Variants in GTF2E2 observed in about 807,000 individuals in gnomAD.
The protein encoded by GTF2E2 is general transcription factor IIE subunit 2.
GTF2E2 carries 21 observed loss-of-function variants against 40.5 expected under a neutral mutation model. The observed-to-expected ratio is 0.52, with a 90% CI of 0.37 to 0.75. The LOEUF (loss-of-function observed/expected upper bound fraction) is 0.75. Ranked by LOEUF, GTF2E2 falls within the 30% of genes least tolerant of loss-of-function variation. The probability of loss-of-function intolerance (pLI) is 0.00; values close to 1 mark genes in which losing one functional copy is unlikely to be tolerated. For synonymous variants in GTF2E2, 117 were observed against 121.6 expected, an observed-to-expected ratio of 0.96 and a Z score of 0.25; for missense variants, 298 against 338.4, an observed-to-expected ratio of 0.88 and a Z score of 0.94.
intron 6 of GTF2E2, chr8:30,585,187 A>G (rs1828639386): frequency 6.6e-6 from 1 of 152,458 alleles, no homozygotes; most frequent in African/African-American, 2.4e-5. Context: ...ACTCCGTCTC[A>G]ATAATAATAA....
At chr8:30,624,608 G>T (rs1026821327) in intron 3 of GTF2E2, among the ~76,000 whole-genome samples, 4 of 151,994 alleles carry the variant, frequency 2.6e-5, no homozygotes, top group African/African-American at 7.3e-5. Flanking sequence ...TGGGCAGTAT[G>T]GCCATTTTCA....
chr8:30,638,526 T>C (rs1454942972), intron 2 of GTF2E2: 3 of 152,640 alleles, frequency 2.0e-5, no homozygotes, highest in African/African-American at 7.2e-5. Context: ...TAGAGGAAAC[T>C]GTCAGCTCCA....
chr8:30,646,520 C>T (rs1802081611), intron 2 of GTF2E2, among the ~76,000 whole-genome samples: 1 of 152,148 alleles, frequency 6.6e-6, no homozygotes, highest in African/African-American at 2.4e-5. Flanking sequence ...CACCACACTA[C>T]CCCTAAGTCA....
chr8:30,627,098 G>A (rs1053158104), intron 3 of GTF2E2, among the ~76,000 whole-genome samples: 2 of 152,144 alleles, frequency 1.3e-5, no homozygotes, highest in Non-Finnish European at 2.9e-5. Flanking sequence ...TAAGTAAAAT[G>A]CACAGCATGA....
intron 4 of GTF2E2, 49 bp from the exon 5 acceptor site, chr8:30,612,530 T>A: frequency 1.9e-6 from 2 of 1,076,220 alleles, no homozygotes; most frequent in Non-Finnish European, 2.6e-6. Flanking sequence ...AACATAAATA[T>A]ATATATATAT....
In GTF2E2 at chr8:30,614,506, C is replaced by T. The variant is rs1800854745; in HGVS notation, c.366+102G>A. On this transcript the variant is annotated intron_variant, in intron 4 of 7. Coordinates refer to ENST00000355904, the MANE Select transcript of GTF2E2 (RefSeq NM_002095.6). The stretch of plus-strand genomic sequence containing the variant: ...GAGTCAGCAGTGGGCTGAGATCATG[C>T]CACTGCACTCTAGCCTGTGCAACAG... 1.7e-5 allele frequency: 11 copies of T among 647,014 alleles called. No individual in the cohort carries two copies. The South Asian group carries it at 2.1e-4, about 12-fold the overall frequency. 40.1% of individuals were successfully genotyped at this position (647,014 alleles called of 1,614,324 possible).
intron 6 of GTF2E2, among the ~76,000 whole-genome samples, chr8:30,594,798 G>T (rs912698639): frequency 2.0e-5 from 3 of 151,296 alleles, no homozygotes; most frequent in African/African-American, 7.3e-5. Context: ...TGGAGGTTGC[G>T]GTGAGCCGAG....
chr8:30,599,104 T>G (rs1398487130), intron 6 of GTF2E2, among the ~76,000 whole-genome samples: 2 of 152,230 alleles, frequency 1.3e-5, no homozygotes, highest in African/African-American at 4.8e-5. Context: ...AGAAATAAGA[T>G]TCCTTCTCAT....
chr8:30,607,697 A>C (rs555254111), intron 5 of GTF2E2, among the ~76,000 whole-genome samples: 2 of 152,208 alleles, frequency 1.3e-5, no homozygotes, highest in Non-Finnish European at 2.9e-5. Flanking sequence ...GTTTCACTTA[A>C]AACGGAAAAT....
chr8:30,613,415 G>A (rs1035991262), intron 4 of GTF2E2, among the ~76,000 whole-genome samples: 1 of 152,188 alleles, frequency 6.6e-6, no homozygotes, highest in African/African-American at 2.4e-5. Context: ...TGTACAGTTA[G>A]TATCAGAAGG....
rs1585926443 is a variant in GTF2E2, at chr8:30,578,831, C to A, written c.*90G>T. 1.3e-6 allele frequency: 1 copy of A among 754,436 alleles called. No homozygotes were observed. Among genetic ancestry groups the A allele is most frequent in the East Asian group, 2.5e-5 (1 of 40,098 alleles). The allele number at this position is 754,436 out of a possible 1,614,324, so 46.7% of individuals were successfully genotyped here. On this transcript the variant is annotated 3_prime_UTR_variant, in exon 8 of 8. Coordinates refer to ENST00000355904, the MANE Select transcript of GTF2E2 (RefSeq NM_002095.6). ...TGCTCCTCTCCTCAGCCGCAAGAAG[C>A]AGATAGGAAGACAGTCTTCAGACCC...
intron 1 of GTF2E2, chr8:30,657,018 T>G (rs11786767): frequency 0.34 from 51,310 of 151,802 alleles, 8,752 homozygotes; most frequent in African/African-American, 0.41. Flanking sequence ...CTAACTCAAG[T>G]GCTCCTTACA....
Position 30,653,473 on chromosome 8 carries a change from CTT to C in GTF2E2, c.124_125del (p.Lys42GlyfsTer10). 1 of 1,613,824 alleles carries C rather than the reference CTT, an allele frequency of 6.2e-7. No homozygotes were observed. Among genetic ancestry groups the C allele is most frequent in the Admixed American group, 1.7e-5 (1 of 60,006 alleles). The stretch of plus-strand genomic sequence containing the variant: ...AGCCTGACGATCCTCCATGTTCTAC[CTT>C]TGTTTTCTTCTTCTTTGACGATGAT... ...SSSSSKKKKT[K>X]VEHGGSSGSK... On this transcript the variant is annotated frameshift_variant, in exon 2 of 8. Transcript: ENST00000355904. LOFTEE classifies it high-confidence loss of function.
intron 3 of GTF2E2, among the ~76,000 whole-genome samples, chr8:30,626,078 G>C (rs1801263113): frequency 6.6e-6 from 1 of 152,106 alleles, no homozygotes; most frequent in Non-Finnish European, 1.5e-5. Flanking sequence ...AACTCTACTG[G>C]TATAACAGAA....
At chr8:30,657,301 G>A (rs1434498601) in intron 1 of GTF2E2, among the ~76,000 whole-genome samples, 3 of 152,112 alleles carry the variant, frequency 2.0e-5, no homozygotes, top group Non-Finnish European at 4.4e-5. Flanking sequence ...TTCCTCCGTG[G>A]GCAGACACGG....
At chr8:30,590,172 T>C (rs1563474992) in intron 6 of GTF2E2, among the ~76,000 whole-genome samples, 1 of 152,178 alleles carries the variant, frequency 6.6e-6, no homozygotes, top group South Asian at 2.1e-4. Flanking sequence ...CATAAACATA[T>C]AAATAAAATC....
At position 30,578,925 on chromosome 8, in the gene GTF2E2, T is replaced by A. The variant is rs1828431494; in HGVS notation, c.872A>T (p.Lys291Ile). ...LKDYSDITSS[K>I] The stretch of plus-strand genomic sequence containing the variant: ...GTTCCAGGGCAAAACTGTTCCCTAT[T>A]TGCTGGAAGTAATGTCAGAGTAATC... Residue 291 changes from lysine to isoleucine, a missense_variant, in exon 8 of 8, where the codon AAA becomes ATA. Coordinates refer to ENST00000355904, the MANE Select transcript of GTF2E2 (RefSeq NM_002095.6). The A allele has an allele frequency of 1.3e-6, 2 of 1,482,396 alleles. No homozygotes were observed. The highest frequency in any genetic ancestry group is 4.5e-5 in the East Asian group (2 of 44,300). 91.8% of individuals were successfully genotyped at this position (1,482,396 alleles called of 1,614,324 possible).
intron 6 of GTF2E2, chr8:30,597,169 T>C: frequency 6.6e-6 from 1 of 152,528 alleles, no homozygotes; most frequent in Non-Finnish European, 1.5e-5. Context: ...CTGCCCTTTC[T>C]CCTCCACTAA....
chr8:30,629,847 A>C (rs1289017813), intron 3 of GTF2E2, among the ~76,000 whole-genome samples: 1 of 152,202 alleles, frequency 6.6e-6, no homozygotes, highest in African/African-American at 2.4e-5. Flanking sequence ...CTAAGCTAGA[A>C]TAAGCCAAAT....
Sources: allele counts gnomAD v4.1 joint callset (sites outside exome capture counted in the v4.1 genomes callset), GRCh38; gene constraint gnomAD v4.1.1; transcripts MANE v1.5; gene names NCBI Gene and HGNC (gene_info 2026-07-23, HGNC 2026-07-21).